MYOM1: variants seen among roughly 807,000 people sequenced by gnomAD.
MYOM1 encodes myomesin-1.
Under a neutral mutation model 205.3 loss-of-function variants are expected in MYOM1, and 164 were observed. The observed-to-expected ratio is 0.80, with a 90% CI of 0.70 to 0.91. MYOM1 has a LOEUF of 0.91. Among genes scored for constraint, MYOM1 ranks in the 40% least tolerant of loss-of-function variants. The probability of loss-of-function intolerance (pLI) is 0.00; values close to 1 mark genes in which losing one functional copy is unlikely to be tolerated. For missense variants in MYOM1, 2,011 were observed against 2,127.3 expected (o/e 0.95, Z 1.08); for synonymous variants, 772 against 789.4 (o/e 0.98, Z 0.37).
chr18:3,137,196 A>G (rs967082974), intron 14 of MYOM1, among the ~76,000 whole-genome samples: 23 of 151,936 alleles, frequency 1.5e-4, no homozygotes, highest in East Asian at 1.9e-4. Context: ...TGATCCGCCC[A>G]CCTCAGCCTC....
intron 37 of MYOM1, among the ~76,000 whole-genome samples, chr18:3,070,428 G>T (rs2078946363): frequency 6.6e-6 from 1 of 152,088 alleles, no homozygotes; most frequent in African/African-American, 2.4e-5. Context: ...CTGGTTTACA[G>T]GCATGAGCCA....
chr18:3,071,861 T>TG lies in MYOM1; in HGVS notation c.4736dup (p.Asp1580ArgfsTer12). The TG allele has an allele frequency of 6.2e-7, 1 of 1,605,494 alleles. No homozygotes were observed. Among genetic ancestry groups the TG allele is most frequent in the Non-Finnish European group, 8.5e-7 (1 of 1,176,046 alleles). ...TCCCCTCCTGGATGGTGACCACGTC[T>TG]GGGAGACCTCCCAACACCCGGGCAC... is the stretch of plus-strand genomic sequence containing the variant. On this transcript the variant is annotated frameshift_variant, in exon 37 of 38. Transcript: ENST00000356443. LOFTEE classifies it low-confidence loss of function (END_TRUNC).
intron 10 of MYOM1, among the ~76,000 whole-genome samples, chr18:3,164,027 A>AT (rs558585831): frequency 1.0e-4 from 12 of 117,754 alleles, no homozygotes; most frequent in African/African-American, 2.2e-4. Flanking sequence ...TAATCAAAAA[A>AT]ATTTTTTTTT....
intron 2 of MYOM1, among the ~76,000 whole-genome samples, chr18:3,198,849 C>A (rs1222324986): frequency 6.6e-6 from 1 of 151,626 alleles, no homozygotes; most frequent in African/African-American, 2.4e-5. Flanking sequence ...GGATTCTCAA[C>A]CCTGGTTTCA....
At chr18:3,094,748 GC>G (rs2079277954) in intron 25 of MYOM1, among the ~76,000 whole-genome samples, 1 of 151,108 alleles carries the variant, frequency 6.6e-6, no homozygotes, top group South Asian at 2.1e-4. Flanking sequence ...TGCAACCTCT[GC>G]CTCCTGGGTT....
intron 22 of MYOM1, among the ~76,000 whole-genome samples, chr18:3,107,393 A>G (rs1396059810): frequency 1.3e-5 from 2 of 152,238 alleles, no homozygotes; most frequent in African/African-American, 4.8e-5. Flanking sequence ...CTGGGATTAC[A>G]GGCGTGAGCC....
the MYOM1 span, among the ~76,000 whole-genome samples, chr18:3,225,209 G>A: frequency 1.3e-5 from 2 of 150,792 alleles, no homozygotes; most frequent in African/African-American, 2.4e-5. Flanking sequence ...GGATGGTCTC[G>A]ATCTCCTGAC....
At position 3,126,914 on chromosome 18, in the gene MYOM1, A is replaced by G. The variant is rs1472974149; in HGVS notation, c.2795-17T>C. ...ATGGTGGTGCTGTAGCAATATGAAT[A>G]GCTTGTGAGTAGGCAGAAATGCATT... On this transcript the variant is annotated splice_polypyrimidine_tract_variant and intron_variant, in intron 18 of 37. Coordinates refer to ENST00000356443, the MANE Select transcript of MYOM1 (RefSeq NM_003803.4). 3 of 1,594,438 alleles carry G rather than the reference A, an allele frequency of 1.9e-6. No individual in the cohort carries two copies. Among genetic ancestry groups the G allele is most frequent in the Non-Finnish European group, 2.6e-6 (3 of 1,168,902 alleles).
chr18:3,113,779 G>T (rs1380737747), intron 21 of MYOM1, among the ~76,000 whole-genome samples: 3 of 152,002 alleles, frequency 2.0e-5, no homozygotes, highest in Non-Finnish European at 4.4e-5. Flanking sequence ...TACACAGAGG[G>T]CATAATTTTT....
intron 29 of MYOM1, among the ~76,000 whole-genome samples, chr18:3,087,982 G>T (rs1200110856): frequency 1.3e-5 from 2 of 152,208 alleles, no homozygotes; most frequent in South Asian, 2.1e-4. Context: ...GGAAGCGGGA[G>T]GCCTTCTAGA....
intron 12 of MYOM1, among the ~76,000 whole-genome samples, chr18:3,151,492 T>C (rs2080221630): frequency 6.7e-6 from 1 of 149,828 alleles, no homozygotes; most frequent in Admixed American, 6.6e-5. Context: ...TAAAATAAAA[T>C]AAAATAAAAT....
chr18:3,144,982 A>C (rs979800736), intron 13 of MYOM1, among the ~76,000 whole-genome samples: 141 of 152,316 alleles, frequency 9.3e-4, no homozygotes, highest in African/African-American at 3.2e-3. Context: ...AACTTGACCT[A>C]ATTAATATTT....
Position 3,116,432 on chromosome 18 carries a change from T to C in MYOM1, c.3202A>G (p.Thr1068Ala). ...QWKPPVHSGR[T>A]PVTGYFVDLK... ...TCCACGAAGTAACCAGTGACCGGAG[T>C]CCGCCCGGAGTGGACTGGCGGCTTC... The change falls in exon 21 of 38, where the codon ACT (threonine) becomes GCT (alanine). Residue 1068 changes from threonine (T) to alanine (A), a missense_variant. Physicochemically the swap from Thr to Ala is moderately conservative, Grantham distance 58. Coordinates refer to ENST00000356443, the MANE Select transcript of MYOM1 (RefSeq NM_003803.4). 6.2e-7 allele frequency: 1 copy of C among 1,613,752 alleles called. No individual in the cohort carries two copies. The highest frequency in any genetic ancestry group is 1.7e-4 in the Middle Eastern group (1 of 6,048).
At chr18:3,084,950 A>G in intron 31 of MYOM1, 95 bp downstream of exon 31, 1 of 954,560 alleles carries the variant, frequency 1.0e-6, no homozygotes, top group Non-Finnish European at 1.6e-6. Flanking sequence ...AAAAAAAATC[A>G]GCATGATTTC....
chr18:3,196,234 C>G (rs1332553491), intron 2 of MYOM1, among the ~76,000 whole-genome samples: 4 of 152,074 alleles, frequency 2.6e-5, no homozygotes, highest in Admixed American at 6.6e-5. Flanking sequence ...TTAAGAAAAA[C>G]CATCCATAGT....
At chr18:3,190,845 A>G (rs2080893968) in intron 3 of MYOM1, among the ~76,000 whole-genome samples, 1 of 152,226 alleles carries the variant, frequency 6.6e-6, no homozygotes, top group Non-Finnish European at 1.5e-5. Context: ...GTCTTGCCCC[A>G]GGCTCCAAGT....
Position 3,179,337 on chromosome 18 carries a change from T to C in MYOM1, c.930-3203A>G, listed in dbSNP as rs530980528. 6.6e-6 allele frequency among the ~76,000 whole-genome samples: 1 copy of C among 152,262 alleles called. No homozygotes were observed. The highest frequency in any genetic ancestry group is 2.4e-5 in the African/African-American group (1 of 41,544). On this transcript the variant is annotated intron_variant, in intron 5 of 37. Transcript: ENST00000356443. The surrounding 1 kb of genome is among the most constrained non-coding windows in gnomAD (Gnocchi z 4.4). ...AGAGAACAGAGTTCTGACAAGCATATATGTCATGATATGGATGATTTTATT... is the reference window on the plus strand; with the variant it reads ...AGAGAACAGAGTTCTGACAAGCATACATGTCATGATATGGATGATTTTATT...
At chr18:3,073,731 A>G (rs1337518341) in intron 36 of MYOM1, among the ~76,000 whole-genome samples, 1 of 152,228 alleles carries the variant, frequency 6.6e-6, no homozygotes, top group East Asian at 1.9e-4. Context: ...GGGCATGCCC[A>G]CATGTGCATT....
intron 2 of MYOM1, among the ~76,000 whole-genome samples, chr18:3,199,812 C>A (rs1456112239): frequency 1.3e-5 from 2 of 151,646 alleles, no homozygotes; most frequent in Non-Finnish European, 2.9e-5. Context: ...TGCACTCCAG[C>A]CTGGGTGACA....
Sources: gnomAD v4.1 joint callset for allele counts (sites outside exome capture counted in the v4.1 genomes callset) on GRCh38, gnomAD v4.1.1 for gene constraint, Gnocchi (gnomAD v3.1) non-coding constraint, MANE v1.5 for transcripts, NCBI Gene and HGNC (gene_info 2026-07-23, HGNC 2026-07-21) for gene names.